FSTL5: variants seen among roughly 807,000 people sequenced by gnomAD.
The protein encoded by FSTL5 is follistatin-related protein 5.
In FSTL5, 62 loss-of-function variants were observed where a neutral mutation model predicts 89.1. The observed-to-expected ratio is 0.70, with a 90% CI of 0.57 to 0.86. The LOEUF (loss-of-function observed/expected upper bound fraction) is 0.86. Ranked by LOEUF, FSTL5 falls within the 40% of genes least tolerant of loss-of-function variation. The probability of loss-of-function intolerance (pLI) is 0.00; values close to 1 mark genes in which losing one functional copy is unlikely to be tolerated. For synonymous variants in FSTL5, 383 were observed against 346.2 expected, an observed-to-expected ratio of 1.11 and a Z score of -1.18; for missense variants, 1,057 against 1,001.6, an observed-to-expected ratio of 1.06 and a Z score of -0.75.
At chr4:162,071,911 T>C (rs2111311299) in intron 2 of FSTL5, among the ~76,000 whole-genome samples, 1 of 151,890 alleles carries the variant, frequency 6.6e-6, no homozygotes, top group Admixed American at 6.6e-5. Context: ...AATGGGTCAG[T>C]GAAGAAATTA....
intron 7 of FSTL5, among the ~76,000 whole-genome samples, chr4:161,614,422 T>C (rs1734767730): frequency 6.6e-6 from 1 of 152,200 alleles, no homozygotes; most frequent in African/African-American, 2.4e-5. Flanking sequence ...AATCTTCTAA[T>C]ATACTGCCTG....
chr4:161,704,812 A>G (rs955172762), intron 6 of FSTL5, among the ~76,000 whole-genome samples: 2 of 152,062 alleles, frequency 1.3e-5, no homozygotes, highest in Non-Finnish European at 2.9e-5. Flanking sequence ...TCCACTCCAC[A>G]TTATCTTTCT....
chr4:161,926,426 T>C (rs1237495675), intron 3 of FSTL5, among the ~76,000 whole-genome samples: 6 of 150,358 alleles, frequency 4.0e-5, no homozygotes, highest in African/African-American at 1.5e-4. Flanking sequence ...TTTGTTTTTT[T>C]ACAAGAGGCC....
intron 7 of FSTL5, among the ~76,000 whole-genome samples, chr4:161,641,204 A>G (rs1202997452): frequency 1.3e-5 from 2 of 152,194 alleles, no homozygotes; most frequent in Admixed American, 1.3e-4. Flanking sequence ...AGCTATATAA[A>G]GAAATAAGAA....
intron 3 of FSTL5, among the ~76,000 whole-genome samples, chr4:161,940,265 G>T (rs976872826): frequency 6.6e-6 from 1 of 151,596 alleles, no homozygotes; most frequent in African/African-American, 2.4e-5. Flanking sequence ...TAAAAAAATT[G>T]ACAAAAATGA....
At chr4:161,655,164 C>A (rs1736472257) in intron 7 of FSTL5, among the ~76,000 whole-genome samples, 1 of 152,150 alleles carries the variant, frequency 6.6e-6, no homozygotes, top group East Asian at 1.9e-4. Flanking sequence ...TGTTTCTCAA[C>A]CATAAGGGCA....
At chr4:161,834,674 C>A (rs1464666375) in intron 4 of FSTL5, among the ~76,000 whole-genome samples, 4 of 151,966 alleles carry the variant, frequency 2.6e-5, no homozygotes, top group African/African-American at 7.3e-5. Flanking sequence ...AAACAGAGAG[C>A]CAAATCATGA....
intron 4 of FSTL5, among the ~76,000 whole-genome samples, chr4:161,794,816 T>C (rs1417481632): frequency 1.3e-5 from 2 of 152,124 alleles, no homozygotes; most frequent in East Asian, 3.9e-4. Flanking sequence ...TTTTAAGACA[T>C]AGTCACAAAT....
intron 2 of FSTL5, among the ~76,000 whole-genome samples, chr4:162,084,925 A>C (rs1004175131): frequency 6.6e-6 from 1 of 152,036 alleles, no homozygotes; most frequent in Non-Finnish European, 1.5e-5. Flanking sequence ...AGTATAATAG[A>C]ATGCATATTT....
intron 4 of FSTL5, 76 bp downstream of exon 4, chr4:161,920,328 G>T: frequency 7.0e-7 from 1 of 1,423,318 alleles, no homozygotes. Context: ...ATATAAAATT[G>T]CTAGAGTTTA....
At position 161,776,061 on chromosome 4, in the gene FSTL5, C is replaced by G; in HGVS notation, c.423G>C (p.Lys141Asn). ...EDCFFKGDKC[K>N]TTEYSKMKNM... is the part of the protein sequence containing the mutation. ...TTTTCATCTTGCTGTATTCAGTAGTCTTGCACTTATCTCCTGTAACAAAAG... is the reference window on the plus strand; with the variant it reads ...TTTTCATCTTGCTGTATTCAGTAGTGTTGCACTTATCTCCTGTAACAAAAG... Residue 141 changes from lysine (K) to asparagine (N), a missense_variant, in exon 5 of 16, where the codon AAG becomes AAC. Physicochemically the swap from Lys to Asn is moderately conservative, Grantham distance 94 (BLOSUM62 0). This residue lies in a region of FSTL5 where 980 missense variants were observed against 903.2 expected (regional missense o/e 1.08). Transcript: ENST00000306100. The G allele has an allele frequency of 6.6e-7, 1 of 1,504,624 alleles. No individual in the cohort carries two copies. Among genetic ancestry groups the G allele is most frequent in the Non-Finnish European group, 9.0e-7 (1 of 1,112,288 alleles). The allele number at this position is 1,504,624 out of a possible 1,614,324, so 93.2% of individuals were successfully genotyped here. A position where few individuals can be genotyped will look rare whatever the true frequency, so the allele number is the denominator to read the frequency against.
intron 2 of FSTL5, among the ~76,000 whole-genome samples, chr4:162,072,104 T>C (rs1326433996): frequency 6.6e-6 from 1 of 151,812 alleles, no homozygotes; most frequent in Non-Finnish European, 1.5e-5. Context: ...ATAGATAATA[T>C]GCAGGAGTTT....
intron 3 of FSTL5, among the ~76,000 whole-genome samples, chr4:161,948,469 T>G (rs1214875686): frequency 7.2e-6 from 1 of 139,142 alleles, no homozygotes; most frequent in East Asian, 2.1e-4. Context: ...ATGAACGGAA[T>G]TTTTTTCTTT....
chr4:161,908,993 C>T (rs1733616960), intron 4 of FSTL5, among the ~76,000 whole-genome samples: 1 of 152,116 alleles, frequency 6.6e-6, no homozygotes, highest in African/African-American at 2.4e-5. Flanking sequence ...ATGGAAAACT[C>T]ATTGAAATTC....
At chr4:161,858,212 T>C (rs1278190174) in intron 4 of FSTL5, among the ~76,000 whole-genome samples, 1 of 152,134 alleles carries the variant, frequency 6.6e-6, no homozygotes, top group Non-Finnish European at 1.5e-5. Context: ...GAACCCAGAA[T>C]AGAGCCCTCA....
chr4:161,826,717 C>T (rs956971266), intron 4 of FSTL5, among the ~76,000 whole-genome samples: 7 of 152,098 alleles, frequency 4.6e-5, no homozygotes, highest in African/African-American at 1.7e-4. Context: ...AACTCCTGCT[C>T]ACTTTTGGTG....
intron 6 of FSTL5, among the ~76,000 whole-genome samples, chr4:161,660,819 G>A (rs1230998419): frequency 6.6e-6 from 1 of 152,006 alleles, no homozygotes; most frequent in Non-Finnish European, 1.5e-5. Context: ...CTTTTTTATG[G>A]CTTCATAGTA....
At chr4:161,878,015 A>T (rs1484166970) in intron 4 of FSTL5, among the ~76,000 whole-genome samples, 1 of 151,810 alleles carries the variant, frequency 6.6e-6, no homozygotes, top group Non-Finnish European at 1.5e-5. Context: ...ACTTATATAG[A>T]TTTACAAATG....
intron 2 of FSTL5, among the ~76,000 whole-genome samples, chr4:162,046,333 T>A (rs1390748392): frequency 1.3e-5 from 2 of 152,218 alleles, no homozygotes; most frequent in Admixed American, 1.3e-4. Flanking sequence ...TGCTGAGTTA[T>A]GGGGTAAAGG....
Sources: gnomAD v4.1 joint callset for allele counts (sites outside exome capture counted in the v4.1 genomes callset) on GRCh38, gnomAD v4.1.1 for gene constraint, gnomAD v4.1.1 regional missense constraint, MANE v1.5 for transcripts, NCBI Gene and HGNC (gene_info 2026-07-23, HGNC 2026-07-21) for gene names.